The following ARHGAP8 variants were observed in gnomAD, a reference collection of about 807,000 sequenced individuals.
The protein encoded by ARHGAP8 is rho GTPase-activating protein 8.
A neutral mutation model predicts 46.1 loss-of-function variants in ARHGAP8; 62 were observed. The observed-to-expected ratio is 1.34, with a 90% CI of 1.10 to 1.66. ARHGAP8 has a LOEUF of 1.66. ARHGAP8 is among the 40% of genes most tolerant of loss of function. The pLI is 0.00. For missense variants in ARHGAP8, 923 were observed against 568.4 expected, an observed-to-expected ratio of 1.62 and a Z score of -6.34; for synonymous variants, 375 against 243.1, an observed-to-expected ratio of 1.54 and a Z score of -5.05.
rs62232228 is a variant in ARHGAP8 at position 44,861,365 on chromosome 22, C to T, written c.982-910C>T. ...ATGCACCTGGTGGGGTGTGGTGTTGCGTGTTATCACCCCAGTGGCACCTGG... is the reference window on the plus strand; with the variant it reads ...ATGCACCTGGTGGGGTGTGGTGTTGTGTGTTATCACCCCAGTGGCACCTGG... On this transcript the variant is annotated intron_variant, in intron 11 of 11. Coordinates refer to ENST00000356099, the MANE Select transcript of ARHGAP8 (RefSeq NM_181335.3). Among the ~76,000 whole-genome samples, 5 of 152,120 alleles carry T rather than the reference C, an allele frequency of 3.3e-5. No individual in the cohort carries two copies. In the South Asian group the frequency reaches 8.3e-4, roughly 25 times the overall value.
intron 8 of ARHGAP8, 65 bp from the exon 9 acceptor site, chr22:44,847,908 A>T: frequency 6.3e-7 from 1 of 1,593,056 alleles, no homozygotes; most frequent in Non-Finnish European, 8.5e-7. Context: ...GGGGAGTGTC[A>T]TATAATGTCC....
intron 10 of ARHGAP8, among the ~76,000 whole-genome samples, chr22:44,854,077 C>T (rs1254051186): frequency 7.0e-6 from 1 of 143,006 alleles, no homozygotes; most frequent in Non-Finnish European, 1.5e-5. Flanking sequence ...CAGACTTTGC[C>T]TGCAGTATCT....
intron 1 of ARHGAP8, among the ~76,000 whole-genome samples, chr22:44,780,534 C>G (rs150696069): frequency 6.6e-6 from 1 of 151,748 alleles, no homozygotes; most frequent in Non-Finnish European, 1.5e-5. Context: ...TGGTGGCGGG[C>G]GCCTGTAGTC....
chr22:44,859,785 C>T lies in ARHGAP8; in HGVS notation c.932C>T (p.Pro311Leu), dbSNP rs753462828. ...TGCCGCCAGATCTTACGGAGCCTCCCAGAGCACAACTACGTCGTCCTCCGC... is the reference window on the plus strand; with the variant it reads ...TGCCGCCAGATCTTACGGAGCCTCCTAGAGCACAACTACGTCGTCCTCCGC... ...TGCRQILRSL[P>L]EHNYVVLRYL... The change falls in exon 11 of 12, where the codon CCA becomes CTA. Residue 311 changes from proline to leucine, a missense_variant. Transcript: ENST00000356099. 4.3e-6 allele frequency: 7 copies of T among 1,614,018 alleles called. No homozygotes were observed. The African/African-American group carries it at 5.3e-5, about 12-fold the overall frequency.
chr22:44,830,284 A>G (rs973640855), intron 7 of ARHGAP8, among the ~76,000 whole-genome samples: 1 of 151,886 alleles, frequency 6.6e-6, no homozygotes, highest in Non-Finnish European at 1.5e-5. Flanking sequence ...TCAGCTTCCC[A>G]AAGTGCTGTG....
chr22:44,859,539 A>C (rs536643157), intron 10 of ARHGAP8, 192 bp from the exon 11 acceptor site: 5 of 610,738 alleles, frequency 8.2e-6, no homozygotes, highest in South Asian at 7.9e-5. Context: ...CCATCTCAGC[A>C]AGAATAGCCA....
Position 44,809,059 on chromosome 22 carries a change from G to C in ARHGAP8, c.299+621G>C, listed in dbSNP as rs994703778. 4 of 466,016 alleles carry C rather than the reference G, an allele frequency of 8.6e-6. No homozygotes were observed. The Admixed American group carries it at 9.4e-5, about 11-fold the overall frequency. 28.9% of individuals were successfully genotyped at this position (466,016 alleles called of 1,614,324 possible). Reference sequence around the variant, plus strand: ...CTGGTCTCGAACTCCAAGCTCAAGCGATCCTCCCACCTCAGCCTCCCAAAG... The same window carrying C: ...CTGGTCTCGAACTCCAAGCTCAAGCCATCCTCCCACCTCAGCCTCCCAAAG... On this transcript the variant is annotated intron_variant, in intron 4 of 11. Coordinates refer to ENST00000356099, the MANE Select transcript of ARHGAP8 (RefSeq NM_181335.3).
intron 2 of ARHGAP8, among the ~76,000 whole-genome samples, chr22:44,792,834 T>C (rs920154883): frequency 3.3e-5 from 5 of 151,948 alleles, no homozygotes; most frequent in African/African-American, 1.2e-4. Context: ...TTTTGGTTTT[T>C]TTTTTTTGAG....
chr22:44,813,032 A>C (rs1417914158), intron 4 of ARHGAP8, among the ~76,000 whole-genome samples: 1 of 152,098 alleles, frequency 6.6e-6, no homozygotes, highest in Admixed American at 6.6e-5. Context: ...ACTTTCTGGC[A>C]CAGGATATGC....
chr22:44,839,273 C>G (rs963211787), intron 7 of ARHGAP8, among the ~76,000 whole-genome samples: 8 of 152,316 alleles, frequency 5.3e-5, no homozygotes, highest in African/African-American at 1.9e-4. Flanking sequence ...GAAGGTCACG[C>G]CAGCCCTCAG....
Position 44,862,447 on chromosome 22 carries a change from AGGCACCTGGGGAGCACGGCCT to A in ARHGAP8, c.1161_1181del (p.Gly388_Pro394del), listed in dbSNP as rs773066481. On this transcript the variant is annotated inframe_deletion, in exon 12 of 12. Transcript: ENST00000356099. ...TATGAAAAGATCTTCAGCACCCCGG[AGGCACCTGGGGAGCACGGCCT>A]GGCACCATGGGAACAGGGGAGCAGG... is the stretch of plus-strand genomic sequence containing the variant. The A allele has an allele frequency of 6.2e-7, 1 of 1,614,048 alleles. No homozygotes were observed. Among genetic ancestry groups the A allele is most frequent in the Non-Finnish European group, 8.5e-7 (1 of 1,179,996 alleles).
Position 44,848,937 on chromosome 22 carries a change from C to A in ARHGAP8, c.754C>A (p.Pro252Thr), listed in dbSNP as rs373146785. The A allele has an allele frequency of 1.9e-6, 3 of 1,613,972 alleles. No individual in the cohort carries two copies. The highest frequency in any genetic ancestry group is 3.3e-5 in the Admixed American group (2 of 60,006). Residue 252 changes from proline to threonine, a missense_variant, in exon 10 of 12, where the codon CCC (proline) becomes ACC (threonine). Coordinates refer to ENST00000356099, the MANE Select transcript of ARHGAP8 (RefSeq NM_181335.3). ...EIQRLYNQGKPVNFDDYGDIH... is the reference protein window; with the variant it reads ...EIQRLYNQGKTVNFDDYGDIH... ...GTGCTGTGTTGTGTGTGCAGGGAAG[C>A]CCGTGAACTTTGACGACTACGGGGA...
intron 6 of ARHGAP8, among the ~76,000 whole-genome samples, chr22:44,824,269 A>G (rs1930352076): frequency 6.6e-6 from 1 of 152,202 alleles, no homozygotes. Flanking sequence ...TAGGCCCCTC[A>G]TGAGGGACCG....
At chr22:44,815,703 A>C (rs1569159484) in intron 5 of ARHGAP8, among the ~76,000 whole-genome samples, 1 of 152,148 alleles carries the variant, frequency 6.6e-6, no homozygotes, top group Non-Finnish European at 1.5e-5. Flanking sequence ...TTCCTGCTAA[A>C]GGATTTCTGC....
intron 6 of ARHGAP8, 107 bp downstream of exon 6, chr22:44,822,576 T>A: frequency 1.0e-6 from 1 of 996,754 alleles, no homozygotes; most frequent in Non-Finnish European, 1.4e-6. Flanking sequence ...AATGTGTGCT[T>A]GGCTAGATTT....
At chr22:44,830,211 A>G (rs1214530693) in intron 7 of ARHGAP8, among the ~76,000 whole-genome samples, 3 of 150,898 alleles carry the variant, frequency 2.0e-5, no homozygotes, top group African/African-American at 2.4e-5. Context: ...TTTAGTAGAG[A>G]CGGGGTTTTG....
At chr22:44,791,086 C>T (rs1927647749) in intron 2 of ARHGAP8, among the ~76,000 whole-genome samples, 1 of 152,062 alleles carries the variant, frequency 6.6e-6, no homozygotes, top group South Asian at 2.1e-4. Context: ...GGTGGGTACC[C>T]CGGGGACTGG....
At position 44,855,602 on chromosome 22, in the gene ARHGAP8, C is replaced by T. The variant is rs577130427; in HGVS notation, c.878-4129C>T. ...TTGGCCAGTTTGTTTCCAAATAGTC[C>T]TTTTAACCTTGTTTTTTGTTTTGTT... On this transcript the variant is annotated intron_variant, in intron 10 of 11. Transcript: ENST00000356099. Among the ~76,000 whole-genome samples the T allele has an allele frequency of 5.3e-5, 8 of 152,222 alleles. 1 individual carries two copies. The South Asian group carries it at 1.2e-3, about 24-fold the overall frequency.
intron 4 of ARHGAP8, among the ~76,000 whole-genome samples, chr22:44,813,533 G>A (rs906393619): frequency 7.3e-5 from 11 of 150,944 alleles, no homozygotes; most frequent in Non-Finnish European, 1.0e-4. Context: ...ACACACCTAC[G>A]TATACTATAC....
Sources: gnomAD v4.1 joint callset for allele counts (sites outside exome capture counted in the v4.1 genomes callset) on GRCh38, gnomAD v4.1.1 for gene constraint, MANE v1.5 for transcripts, NCBI Gene and HGNC (gene_info 2026-07-23, HGNC 2026-07-21) for gene names.